The following TBC1D4 variants were observed in gnomAD, a reference collection of about 807,000 sequenced individuals.
TBC1D4 encodes TBC (Tre-2, BUB2, CDC16) domain-containing protein.
Under a neutral mutation model 142.5 loss-of-function variants are expected in TBC1D4, and 121 were observed. The ratio of observed to expected loss-of-function variants is 0.85; its 90% CI spans 0.73 to 0.99. The LOEUF (loss-of-function observed/expected upper bound fraction) is 0.99, where lower values mean the gene tolerates loss of function less well. TBC1D4 is among the 50% of genes least tolerant of loss of function. The probability of loss-of-function intolerance (pLI) is 0.00; values close to 1 mark genes in which losing one functional copy is unlikely to be tolerated. For synonymous variants in TBC1D4, 630 were observed against 628.2 expected (o/e 1.00, Z -0.04); for missense variants, 1,475 against 1,606.6 (o/e 0.92, Z 1.40).
At position 75,341,153 on chromosome 13, in the gene TBC1D4, GTC is replaced by G; in HGVS notation, c.1581_1582del (p.Lys527AsnfsTer15). On this transcript the variant is annotated frameshift_variant, in exon 7 of 21. Coordinates refer to ENST00000377636, the MANE Select transcript of TBC1D4 (RefSeq NM_014832.5). LOFTEE classifies it high-confidence loss of function. ...AGGGCCTTCCCCGATGTGCACGTGT[GTC>G]TTCTGCTTGGCTTCACACAGCTGCC... 1 of 1,613,348 alleles carries G rather than the reference GTC, an allele frequency of 6.2e-7. No individual in the cohort carries two copies. Among genetic ancestry groups the G allele is most frequent in the East Asian group, 2.2e-5 (1 of 44,796 alleles).
chr13:75,372,797 A>G (rs1168343780), intron 1 of TBC1D4, among the ~76,000 whole-genome samples: 1 of 152,240 alleles, frequency 6.6e-6, no homozygotes, highest in Non-Finnish European at 1.5e-5. Context: ...CTGATTAGAC[A>G]AGTTTGGCAA....
At chr13:75,335,215 C>T (rs1045807304) in intron 8 of TBC1D4, among the ~76,000 whole-genome samples, 1 of 152,128 alleles carries the variant, frequency 6.6e-6, no homozygotes, top group Admixed American at 6.5e-5. Context: ...TCCCTCCTTA[C>T]TGCAAGAGGC....
At chr13:75,305,118 T>C (rs570790195) in intron 15 of TBC1D4, among the ~76,000 whole-genome samples, 12 of 152,214 alleles carry the variant, frequency 7.9e-5, no homozygotes, top group Non-Finnish European at 1.5e-4. Flanking sequence ...GATGGCTTGT[T>C]AAGGAGAAAC....
At chr13:75,434,084 T>C (rs1021546152) in intron 1 of TBC1D4, among the ~76,000 whole-genome samples, 1 of 152,146 alleles carries the variant, frequency 6.6e-6, no homozygotes, top group Non-Finnish European at 1.5e-5. Context: ...GGCTTAACCA[T>C]CGTGGAAAGC....
intron 1 of TBC1D4, among the ~76,000 whole-genome samples, chr13:75,452,045 ATTGTG>A (rs1887555237): frequency 6.6e-6 from 1 of 151,890 alleles, no homozygotes; most frequent in Non-Finnish European, 1.5e-5. Flanking sequence ...TTTGACTAGT[ATTGTG>A]TTATTTTTCT....
At chr13:75,353,701 C>T (rs977244381) in intron 4 of TBC1D4, among the ~76,000 whole-genome samples, 1 of 152,076 alleles carries the variant, frequency 6.6e-6, no homozygotes, top group Non-Finnish European at 1.5e-5. Flanking sequence ...AGAAAAGAAG[C>T]GGAAGGGTAC....
intron 1 of TBC1D4, among the ~76,000 whole-genome samples, chr13:75,437,511 T>C (rs1311807449): frequency 3.3e-5 from 5 of 152,336 alleles, no homozygotes; most frequent in Non-Finnish European, 4.4e-5. Context: ...AAAAGGTTTC[T>C]TAAATATACT....
At chr13:75,376,115 G>A (rs1883491082) in intron 1 of TBC1D4, 1 of 152,048 alleles carries the variant, frequency 6.6e-6, no homozygotes, top group South Asian at 2.1e-4. Context: ...TAAAAAGAAA[G>A]AACTCAAGTC....
At chr13:75,451,092 T>C (rs954461995) in intron 1 of TBC1D4, among the ~76,000 whole-genome samples, 1 of 152,186 alleles carries the variant, frequency 6.6e-6, no homozygotes, top group Non-Finnish European at 1.5e-5. Flanking sequence ...TTACCATTTC[T>C]TTACCGTATT....
chr13:75,427,326 C>T (rs955164362), intron 1 of TBC1D4, among the ~76,000 whole-genome samples: 2 of 152,072 alleles, frequency 1.3e-5, no homozygotes, highest in South Asian at 2.1e-4. Context: ...CCACCCGCCT[C>T]GGCCCAAAAT....
intron 13 of TBC1D4, among the ~76,000 whole-genome samples, chr13:75,312,416 G>GGAAAAAAAAAAAAAAA (rs1877845632): frequency 1.1e-4 from 14 of 125,756 alleles, no homozygotes; most frequent in African/African-American, 3.7e-4. Context: ...CAATCTCTGG[G>GGAAAAAAAAAAAAAAA]AAAAAAAAAA....
chr13:75,355,327 G>C (rs940085686), intron 4 of TBC1D4, among the ~76,000 whole-genome samples: 2 of 152,178 alleles, frequency 1.3e-5, no homozygotes, highest in Non-Finnish European at 2.9e-5. Flanking sequence ...CTAAAGGGTT[G>C]TGTTAAAATG....
intron 1 of TBC1D4, among the ~76,000 whole-genome samples, chr13:75,440,235 G>A (rs1458685529): frequency 6.6e-6 from 1 of 152,160 alleles, no homozygotes; most frequent in African/African-American, 2.4e-5. Context: ...AACTAGGGGT[G>A]GATTGTATAA....
At chr13:75,468,402 A>C (rs1319574888) in intron 1 of TBC1D4, among the ~76,000 whole-genome samples, 3 of 152,188 alleles carry the variant, frequency 2.0e-5, no homozygotes, top group Non-Finnish European at 4.4e-5. Flanking sequence ...CAATTATTGC[A>C]TGGATATATT....
chr13:75,432,445 C>G (rs187485956), intron 1 of TBC1D4, among the ~76,000 whole-genome samples: 21 of 152,208 alleles, frequency 1.4e-4, no homozygotes, highest in Admixed American at 1.1e-3. Context: ...ATGTCAACAA[C>G]CACACAAATA....
intron 1 of TBC1D4, among the ~76,000 whole-genome samples, chr13:75,469,092 A>T (rs1888285556): frequency 6.6e-6 from 1 of 152,214 alleles, no homozygotes; most frequent in Non-Finnish European, 1.5e-5. Context: ...CAGGATAAAA[A>T]ACTAAGCTCG....
chr13:75,288,261 AC>A (rs1874898934), intron 20 of TBC1D4, among the ~76,000 whole-genome samples: 1 of 152,048 alleles, frequency 6.6e-6, no homozygotes, highest in Non-Finnish European at 1.5e-5. Flanking sequence ...ATCATCCGCA[AC>A]AGATTTTCAC....
Position 75,284,195 on chromosome 13 carries a change from G to A in TBC1D4, c.*2597C>T, listed in dbSNP as rs886451072. On this transcript the variant is annotated 3_prime_UTR_variant, in exon 21 of 21. Coordinates refer to ENST00000377636, the MANE Select transcript of TBC1D4 (RefSeq NM_014832.5). Reference sequence around the variant, plus strand: ...GACACCAGGGACTGGTTTCATGGAAGACAATCTTTCCACAGACTGGTGGCA... The same window carrying A: ...GACACCAGGGACTGGTTTCATGGAAAACAATCTTTCCACAGACTGGTGGCA... Among the ~76,000 whole-genome samples the A allele has an allele frequency of 6.6e-6, 1 of 152,172 alleles. No individual in the cohort carries two copies. The highest frequency in any genetic ancestry group is 2.4e-5 in the African/African-American group (1 of 41,442).
chr13:75,429,747 A>C (rs918200919), intron 1 of TBC1D4, among the ~76,000 whole-genome samples: 2 of 152,184 alleles, frequency 1.3e-5, no homozygotes, highest in African/African-American at 4.8e-5. Context: ...TTTAGGAAGA[A>C]AAAAGAGGAG....
Sources: allele counts gnomAD v4.1 joint callset (sites outside exome capture counted in the v4.1 genomes callset), GRCh38; gene constraint gnomAD v4.1.1; transcripts MANE v1.5; gene names NCBI Gene and HGNC (gene_info 2026-07-23, HGNC 2026-07-21).